QSOX1: variants seen among roughly 807,000 people sequenced by gnomAD.
QSOX1 encodes quiescin sulfhydryl oxidase 1.
In QSOX1, 40 loss-of-function variants were observed where a neutral mutation model predicts 76.1. That is an observed-to-expected ratio of 0.53 (90% CI 0.41 to 0.68). The LOEUF is 0.68. QSOX1 is among the 30% of genes least tolerant of loss of function. The probability of loss-of-function intolerance (pLI) is 0.00; values close to 1 mark genes in which losing one functional copy is unlikely to be tolerated. For synonymous variants in QSOX1, 392 were observed against 413.1 expected (o/e 0.95, Z 0.62); for missense variants, 931 against 974.3 (o/e 0.96, Z 0.59).
At chr1:180,165,341 A>C (rs894857811) in intron 1 of QSOX1, among the ~76,000 whole-genome samples, 1 of 152,194 alleles carries the variant, frequency 6.6e-6, no homozygotes, top group Non-Finnish European at 1.5e-5. Flanking sequence ...TCAGAGACGC[A>C]TGTGGGTCCA....
rs763033597 is a variant in QSOX1 at position 180,196,882 on chromosome 1, TG to T, written c.2091del (p.Trp697CysfsTer39). On this transcript the variant is annotated frameshift_variant, in exon 12 of 12. Transcript: ENST00000367602. LOFTEE classifies it high-confidence loss of function. This position sits in a 1 kb window ranked among gnomAD's most constrained non-coding sequence, Gnocchi z 4.1. ...EARAGRGRGQ[W>X]LQVLGGGFSY... ...CCGAGCTGGACGGGGCCGAGGCCAG[TG>T]GCTGCAGGTGCTGGGAGGGGGCTTC... The T allele has an allele frequency of 1.4e-5, 22 of 1,593,928 alleles. No homozygotes were observed. Among genetic ancestry groups the T allele is most frequent in the Non-Finnish European group, 4.3e-6 (5 of 1,167,868 alleles).
intron 5 of QSOX1, among the ~76,000 whole-genome samples, chr1:180,180,736 T>C (rs1039056222): frequency 4.6e-5 from 7 of 152,164 alleles, no homozygotes; most frequent in Admixed American, 1.3e-4. Context: ...AGGATGGTCT[T>C]GATCTCCTGA....
rs566885278 is a variant in QSOX1, at chr1:180,162,536, G to A, written c.266-3955G>A. On this transcript the variant is annotated intron_variant, in intron 1 of 11. Coordinates refer to ENST00000367602, the MANE Select transcript of QSOX1 (RefSeq NM_002826.5). ...GGATACCTTGAGCCTAGGGGTTCGA[G>A]ACCAGTCTGGGCAACATAGGAAGAC... Among the ~76,000 whole-genome samples the A allele has an allele frequency of 5.3e-5, 8 of 152,258 alleles. No individual in the cohort carries two copies. The South Asian group carries it at 1.7e-3, about 32-fold the overall frequency.
rs1238649348 is a variant in QSOX1, at chr1:180,201,526, C to T, written c.*4489C>T. On this transcript the variant is annotated 3_prime_UTR_variant, in exon 12 of 12. Coordinates refer to ENST00000367602, the MANE Select transcript of QSOX1 (RefSeq NM_002826.5). ...GCTCCTTGGGCAGGGCGATAGGATT[C>T]CCACCCCTAGCTTTAAGAACTAAAC... 1 of 152,306 alleles carries T rather than the reference C, an allele frequency of 6.6e-6. No individual in the cohort carries two copies. Among genetic ancestry groups the T allele is most frequent in the Non-Finnish European group, 1.5e-5 (1 of 68,104 alleles). The allele number at this position is 152,306 out of a possible 1,614,324, so 9.4% of individuals were successfully genotyped here.
Position 180,196,584 on chromosome 1 carries a change from G to A in QSOX1, c.1791G>A (p.Pro597=), listed in dbSNP as rs775180404. The part of the protein sequence containing the change: ...KSPTNTTPHV[P]AEGPEASRPP... ...CCACAAACACCACCCCACATGTGCC[G>A]GCTGAGGGACCTGAGGCAAGTCGAC... The change falls in exon 12 of 12, where the codon CCG becomes CCA. Residue 597 remains proline (P), a synonymous_variant. Coordinates refer to ENST00000367602, the MANE Select transcript of QSOX1 (RefSeq NM_002826.5). This position sits in a 1 kb window ranked among gnomAD's most constrained non-coding sequence, Gnocchi z 4.1. The A allele has an allele frequency of 6.6e-5, 106 of 1,614,072 alleles. No individual in the cohort carries two copies. Among genetic ancestry groups the A allele is most frequent in the South Asian group, 1.6e-4 (15 of 91,088 alleles).
chr1:180,175,689 C>T (rs1241198770), intron 3 of QSOX1, among the ~76,000 whole-genome samples: 2 of 152,152 alleles, frequency 1.3e-5, no homozygotes, highest in African/African-American at 2.4e-5. Flanking sequence ...AAAGTCCTGA[C>T]GACTCCCAGT....
At chr1:180,158,251 T>A (rs571626109) in intron 1 of QSOX1, among the ~76,000 whole-genome samples, 1 of 152,186 alleles carries the variant, frequency 6.6e-6, no homozygotes, top group Non-Finnish European at 1.5e-5. Flanking sequence ...AAAAACAGCA[T>A]GTGCCGAGCT....
chr1:180,179,420 C>T (rs566345060), intron 5 of QSOX1, among the ~76,000 whole-genome samples: 38 of 152,238 alleles, frequency 2.5e-4, no homozygotes, highest in Non-Finnish European at 4.3e-4. Flanking sequence ...AGCTCCCCAG[C>T]GCTTCCAGCT....
At position 180,175,301 on chromosome 1, in the gene QSOX1, A is replaced by G. The variant is rs1180093548; in HGVS notation, c.367-20A>G. The stretch of plus-strand genomic sequence containing the variant: ...TGGCCACTATCTATTACTGATGCCC[A>G]CCTGTGTGTTTGCTTCCAGTTCTTC... On this transcript the variant is annotated intron_variant, in intron 2 of 11. Transcript: ENST00000367602. 6.2e-7 allele frequency: 1 copy of G among 1,613,868 alleles called. No homozygotes were observed. Among genetic ancestry groups the G allele is most frequent in the Non-Finnish European group, 8.5e-7 (1 of 1,179,738 alleles).
intron 2 of QSOX1, among the ~76,000 whole-genome samples, chr1:180,169,081 C>T (rs1479552076): frequency 1.3e-5 from 2 of 152,254 alleles, no homozygotes; most frequent in African/African-American, 4.8e-5. Flanking sequence ...GAGCTTCTAC[C>T]AGCCCAGCCT....
At chr1:180,175,522 A>G (rs1416103099) in intron 3 of QSOX1, among the ~76,000 whole-genome samples, 156 bp downstream of exon 3, 3 of 151,996 alleles carry the variant, frequency 2.0e-5, no homozygotes, top group Non-Finnish European at 2.9e-5. Flanking sequence ...TCCCAAAACT[A>G]TCCTCCCAGT....
At chr1:180,175,820 C>T in intron 3 of QSOX1, 111 bp from the exon 4 acceptor site, 1 of 814,816 alleles carries the variant, frequency 1.2e-6, no homozygotes, top group South Asian at 1.6e-5. Flanking sequence ...CTGTCTCTGT[C>T]AGAGCTGGCT....
intron 8 of QSOX1, among the ~76,000 whole-genome samples, chr1:180,187,026 A>G (rs1663192460): frequency 6.6e-6 from 1 of 152,208 alleles, no homozygotes; most frequent in East Asian, 1.9e-4. Flanking sequence ...CCGCTGGCTC[A>G]GCCTCCCTTG....
intron 4 of QSOX1, among the ~76,000 whole-genome samples, chr1:180,177,250 C>T (rs12408294): frequency 0.011 from 1,193 of 112,910 alleles, 46 homozygotes; most frequent in East Asian, 0.064. Flanking sequence ...CAAAGTGATC[C>T]TTTTTTTTTT....
rs147295630 is a variant in QSOX1, at chr1:180,195,075, C to A, written c.1468+683C>A. ...GGTGGTGCAGGCGCCTGCACTTGGT[C>A]GTGGTCTCCTGGGGCCTCCTATCGA... On this transcript the variant is annotated intron_variant, in intron 11 of 11. Coordinates refer to ENST00000367602, the MANE Select transcript of QSOX1 (RefSeq NM_002826.5). Among the ~76,000 whole-genome samples the A allele has an allele frequency of 2.0e-3, 308 of 151,982 alleles. 2 individuals carry two copies. Among genetic ancestry groups the A allele is most frequent in the East Asian group, 0.019 (98 of 5,120 alleles).
intron 4 of QSOX1, among the ~76,000 whole-genome samples, chr1:180,176,898 A>G (rs1489781996): frequency 6.6e-6 from 1 of 152,228 alleles, no homozygotes; most frequent in African/African-American, 2.4e-5. Context: ...AGGTGCTCTC[A>G]GAGACATGGC....
chr1:180,190,343 G>A (rs540968048), intron 9 of QSOX1, 90 bp from the exon 10 acceptor site: 6 of 1,437,744 alleles, frequency 4.2e-6, no homozygotes, highest in African/African-American at 2.8e-5. Flanking sequence ...GACCTCATTT[G>A]TCTTAGGGCT....
intron 1 of QSOX1, among the ~76,000 whole-genome samples, chr1:180,165,955 G>A (rs1157723708): frequency 6.6e-6 from 1 of 152,148 alleles, no homozygotes; most frequent in African/African-American, 2.4e-5. Context: ...GTTTCTGTCT[G>A]GGGACCCAGT....
At chr1:180,158,089 A>G (rs1038349952) in intron 1 of QSOX1, among the ~76,000 whole-genome samples, 4 of 152,194 alleles carry the variant, frequency 2.6e-5, no homozygotes, top group Non-Finnish European at 4.4e-5. Context: ...TATCTGTACT[A>G]TGGATATTGT....
Sources: allele counts gnomAD v4.1 joint callset (sites outside exome capture counted in the v4.1 genomes callset), GRCh38; gene constraint gnomAD v4.1.1; non-coding constraint Gnocchi (gnomAD v3.1); transcripts MANE v1.5; gene names NCBI Gene and HGNC (gene_info 2026-07-23, HGNC 2026-07-21).